Variants in MYOCD observed in about 807,000 individuals in gnomAD.
MYOCD encodes myocardin.
A neutral mutation model predicts 96.1 loss-of-function variants in MYOCD; 32 were observed. The ratio of observed to expected loss-of-function variants is 0.33; its 90% confidence interval spans 0.25 to 0.45. MYOCD has a LOEUF of 0.45. MYOCD is among the 20% of genes least tolerant of loss of function. The pLI, the probability that MYOCD is intolerant of heterozygous loss-of-function variation, is 1.00. For missense variants in MYOCD, 1,133 were observed against 1,200.6 expected, an observed-to-expected ratio of 0.94 and a Z score of 0.83; for synonymous variants, 469 against 469.0, an observed-to-expected ratio of 1.00 and a Z score of 0.00.
intron 8 of MYOCD, among the ~76,000 whole-genome samples, chr17:12,744,846 T>C (rs1295957528): frequency 6.6e-6 from 1 of 152,246 alleles, no homozygotes; most frequent in Non-Finnish European, 1.5e-5. Context: ...GGTATCTGGA[T>C]GTGGTGGTTT....
rs1352964856 is a variant in MYOCD, at chr17:12,745,986, T to C, written c.1039T>C (p.Ser347Pro). 8 of 1,614,092 alleles carry C rather than the reference T, an allele frequency of 5.0e-6. No individual in the cohort carries two copies. The African/African-American group carries it at 1.1e-4, about 22-fold the overall frequency. ...SSTPLSNTPL[S>P]PVKNSFSGQT... ...AACGCCACTGAGCAATACCCCCTTG[T>C]CTCCTGTCAAAAACAGTTTTTCTGG... The change falls in exon 9 of 14, where the codon TCT becomes CCT. Residue 347 changes from serine to proline, a missense_variant. Ser to Pro is a moderately conservative substitution (Grantham distance 74, BLOSUM62 -1). Coordinates refer to ENST00000425538, the MANE Select transcript of MYOCD (RefSeq NM_001146312.3).
intron 1 of MYOCD, among the ~76,000 whole-genome samples, chr17:12,678,701 A>C (rs1051548506): frequency 6.6e-6 from 1 of 151,682 alleles, no homozygotes; most frequent in Admixed American, 6.6e-5. Flanking sequence ...ATTATTATTT[A>C]TTATTATTAT....
chr17:12,721,095 CTT>C (rs893561222), intron 4 of MYOCD, among the ~76,000 whole-genome samples: 1 of 140,322 alleles, frequency 7.1e-6, no homozygotes. Context: ...TTTTTGCACA[CTT>C]TTTTTTTTTA....
intron 4 of MYOCD, among the ~76,000 whole-genome samples, chr17:12,718,372 G>A (rs2031713629): frequency 6.6e-6 from 1 of 152,162 alleles, no homozygotes. Context: ...TGAGGGCTGA[G>A]CCAGGTAGAA....
intron 1 of MYOCD, among the ~76,000 whole-genome samples, chr17:12,673,828 T>C (rs1056266829): frequency 1.3e-5 from 2 of 152,226 alleles, no homozygotes; most frequent in Non-Finnish European, 2.9e-5. Context: ...TGGCGATGAA[T>C]GCTTGTCCCT....
chr17:12,685,932 G>C (rs1411922973), intron 1 of MYOCD, among the ~76,000 whole-genome samples: 1 of 152,158 alleles, frequency 6.6e-6, no homozygotes, highest in Non-Finnish European at 1.5e-5. Context: ...AGGCTGGCCT[G>C]GTGATCCCAA....
At chr17:12,711,178 A>G (rs1004740672) in intron 2 of MYOCD, among the ~76,000 whole-genome samples, 3 of 152,216 alleles carry the variant, frequency 2.0e-5, no homozygotes, top group African/African-American at 7.2e-5. Context: ...CCAAAGCATT[A>G]TCATTATATA....
Position 12,666,007 on chromosome 17 carries a change from A to AG in MYOCD, c.-176dup, listed in dbSNP as rs1220328600. 8 of 552,032 alleles carry AG rather than the reference A, an allele frequency of 1.4e-5. No individual in the cohort carries two copies. Among genetic ancestry groups the AG allele is most frequent in the South Asian group, 7.3e-5 (3 of 41,198 alleles). The allele number at this position is 552,032 out of a possible 1,614,324, so 34.2% of individuals were successfully genotyped here. ...AAGAGTTAATTAGCCCCGCACGGCG[A>AG]GGGGGGAGGCGCCAGTTTTCTGGGG... On this transcript the variant is annotated 5_prime_UTR_variant, in exon 1 of 14. Transcript: ENST00000425538.
chr17:12,749,717 A>ATACATATATGTATATATATATG (rs548373868), intron 9 of MYOCD, among the ~76,000 whole-genome samples: 4 of 147,644 alleles, frequency 2.7e-5, no homozygotes, highest in South Asian at 2.1e-4. Flanking sequence ...GTGTATATAT[A>ATACATATATGTATATATATATG]TGTGTGTGTG....
rs142833710 is a variant in MYOCD at position 12,670,809 on chromosome 17, A to G, written c.55+4566A>G. On this transcript the variant is annotated intron_variant, in intron 1 of 13. Coordinates refer to ENST00000425538, the MANE Select transcript of MYOCD (RefSeq NM_001146312.3). Reference sequence around the variant, plus strand: ...TGTAAATGCTTGATCAAAGCATTACATATGAGAATACAATTTAATGGACCT... The same window carrying G: ...TGTAAATGCTTGATCAAAGCATTACGTATGAGAATACAATTTAATGGACCT... Among the ~76,000 whole-genome samples the G allele has an allele frequency of 2.9e-4, 44 of 152,374 alleles. No individual in the cohort carries two copies. The East Asian group carries it at 6.9e-3, about 24-fold the overall frequency.
intron 10 of MYOCD, among the ~76,000 whole-genome samples, chr17:12,754,392 A>G (rs148418930): frequency 0.015 from 2,252 of 152,278 alleles, 35 homozygotes; most frequent in African/African-American, 0.033. Flanking sequence ...GTGAGCCACC[A>G]TGCCCAGCCG....
At chr17:12,693,314 C>T (rs116867386) in intron 1 of MYOCD, among the ~76,000 whole-genome samples, 1 of 151,232 alleles carries the variant, frequency 6.6e-6, no homozygotes, top group Non-Finnish European at 1.5e-5. Flanking sequence ...AACAAACAAA[C>T]AAAAAAAACC....
intron 5 of MYOCD, among the ~76,000 whole-genome samples, chr17:12,727,909 A>G (rs923463897): frequency 2.0e-5 from 3 of 152,114 alleles, no homozygotes; most frequent in Non-Finnish European, 4.4e-5. Flanking sequence ...TTCTGAATTC[A>G]TAGAGTCTTA....
intron 1 of MYOCD, among the ~76,000 whole-genome samples, chr17:12,681,553 C>T (rs1483686637): frequency 1.3e-5 from 2 of 152,158 alleles, no homozygotes; most frequent in African/African-American, 4.8e-5. Flanking sequence ...ATTCTGAGAC[C>T]GAGCCTTTTG....
intron 1 of MYOCD, among the ~76,000 whole-genome samples, chr17:12,677,508 C>T (rs1044412688): frequency 1.3e-5 from 2 of 151,976 alleles, no homozygotes; most frequent in African/African-American, 2.4e-5. Flanking sequence ...GTCAGGAGAT[C>T]GAGACCAACC....
intron 10 of MYOCD, among the ~76,000 whole-genome samples, chr17:12,754,245 C>T (rs1249762997): frequency 6.6e-6 from 1 of 152,132 alleles, no homozygotes; most frequent in Non-Finnish European, 1.5e-5. Flanking sequence ...GCTGGGACTA[C>T]AGGCGCACAC....
intron 1 of MYOCD, among the ~76,000 whole-genome samples, chr17:12,694,369 A>T (rs933433569): frequency 2.6e-5 from 4 of 152,122 alleles, no homozygotes; most frequent in Admixed American, 2.0e-4. Flanking sequence ...AAGTGTCAGG[A>T]CTGTCCTATC....
chr17:12,753,143 G>T lies in MYOCD; in HGVS notation c.1855G>T (p.Asp619Tyr), dbSNP rs762095359. 6.2e-7 allele frequency: 1 copy of T among 1,614,156 alleles called. No individual in the cohort carries two copies. The highest frequency in any genetic ancestry group is 8.5e-7 in the Non-Finnish European group (1 of 1,180,030). Residue 619 changes from aspartate to tyrosine, a missense_variant, in exon 10 of 14, where the codon GAT (aspartate) becomes TAT (tyrosine). Asp to Tyr is a radical substitution (Grantham distance 160). Transcript: ENST00000425538. ...LGNAHCVESSDQTNVLSSTFL... is the reference protein window; with the variant it reads ...LGNAHCVESSYQTNVLSSTFL... ...AAATGCTCATTGTGTGGAGTCCTCA[G>T]ATCAAACCAATGTACTTTCTTCCAC...
chr17:12,709,854 A>C (rs539377605), intron 2 of MYOCD, among the ~76,000 whole-genome samples: 5 of 152,258 alleles, frequency 3.3e-5, no homozygotes, highest in African/African-American at 1.2e-4. Context: ...CTCTCCTGCA[A>C]TTCTTCTCCC....
Sources: gnomAD v4.1 joint callset for allele counts (sites outside exome capture counted in the v4.1 genomes callset) on GRCh38, gnomAD v4.1.1 for gene constraint, MANE v1.5 for transcripts, NCBI Gene and HGNC (gene_info 2026-07-23, HGNC 2026-07-21) for gene names.